The following KCNN2 variants were observed in gnomAD, a reference collection of about 807,000 sequenced individuals.
KCNN2 encodes the protein small conductance calcium-activated potassium channel protein 2.
KCNN2 carries 24 observed loss-of-function variants against 55.5 expected under a neutral mutation model. The observed-to-expected ratio is 0.43, with a 90% CI of 0.31 to 0.61. KCNN2 has a LOEUF of 0.61. Ranked by LOEUF, KCNN2 falls within the 20% of genes least tolerant of loss-of-function variation. The pLI is 0.08. For synonymous variants in KCNN2, 431 were observed against 336.1 expected, an observed-to-expected ratio of 1.28 and a Z score of -3.09; for missense variants, 754 against 853.6, an observed-to-expected ratio of 0.88 and a Z score of 1.45.
chr5:114,313,371 A>G (rs1415124796), intron 2 of KCNN2, among the ~76,000 whole-genome samples: 3 of 152,166 alleles, frequency 2.0e-5, no homozygotes, highest in Non-Finnish European at 4.4e-5. Context: ...TAATAATTCT[A>G]GATGTACAAG....
intron 2 of KCNN2, among the ~76,000 whole-genome samples, chr5:114,335,840 T>C (rs1375998825): frequency 6.6e-6 from 1 of 152,088 alleles, no homozygotes; most frequent in Non-Finnish European, 1.5e-5. Context: ...GAAGCAAGAA[T>C]GAAAAGAGCT....
intron 2 of KCNN2, among the ~76,000 whole-genome samples, chr5:114,384,501 G>A (rs1758218693): frequency 6.6e-6 from 1 of 152,178 alleles, no homozygotes; most frequent in Admixed American, 6.5e-5. Flanking sequence ...CTTAGTCTGT[G>A]CCGTAAGTGT....
At chr5:114,143,452 G>A (rs561725543) in intron 1 of KCNN2, among the ~76,000 whole-genome samples, 1 of 152,272 alleles carries the variant, frequency 6.6e-6, no homozygotes, top group African/African-American at 2.4e-5. Flanking sequence ...ATTCTCAGAA[G>A]GGAGTATGCC....
intron 1 of KCNN2, among the ~76,000 whole-genome samples, chr5:114,090,260 G>A (rs7734731): frequency 0.15 from 23,051 of 152,068 alleles, 1,839 homozygotes; most frequent in Middle Eastern, 0.2. Context: ...AAGCCTTAAG[G>A]ATGAGGAAGA....
At chr5:114,412,929 G>A (rs761377469) in intron 3 of KCNN2, among the ~76,000 whole-genome samples, 2 of 152,192 alleles carry the variant, frequency 1.3e-5, no homozygotes, top group African/African-American at 4.8e-5. Context: ...TTCAGCTGTT[G>A]CCAAGTAAAC....
chr5:114,139,685 A>G (rs1752238073), intron 1 of KCNN2, among the ~76,000 whole-genome samples: 1 of 151,610 alleles, frequency 6.6e-6, no homozygotes, highest in Admixed American at 6.6e-5. Context: ...CTTGTAAGCC[A>G]TGTCTAAATA....
At chr5:114,056,780 C>T (rs1288653991) in intron 1 of KCNN2, among the ~76,000 whole-genome samples, 2 of 152,174 alleles carry the variant, frequency 1.3e-5, no homozygotes, top group South Asian at 4.1e-4. Flanking sequence ...ATCCTTCCCC[C>T]CTTGTCCTCT....
At chr5:114,213,454 C>T (rs1753931893) in intron 1 of KCNN2, among the ~76,000 whole-genome samples, 1 of 151,196 alleles carries the variant, frequency 6.6e-6, no homozygotes, top group Non-Finnish European at 1.5e-5. Context: ...AGTACATCCT[C>T]CAATAAATTG....
chr5:114,481,427 C>T (rs1345823615), intron 5 of KCNN2, among the ~76,000 whole-genome samples: 2 of 151,908 alleles, frequency 1.3e-5, no homozygotes, highest in East Asian at 3.9e-4. Flanking sequence ...TGCCCATGCT[C>T]ATAGATAACA....
intron 1 of KCNN2, among the ~76,000 whole-genome samples, chr5:114,201,563 T>C (rs1753673556): frequency 6.6e-6 from 1 of 152,036 alleles, no homozygotes; most frequent in African/African-American, 2.4e-5. Flanking sequence ...TAGGTATGCT[T>C]AGGAGAATGT....
At position 114,489,267 on chromosome 5, in the gene KCNN2, C is replaced by T. The variant is rs188898820; in HGVS notation, c.2018+2090C>T. Among the ~76,000 whole-genome samples, 318 of 151,984 alleles carry T rather than the reference C, an allele frequency of 2.1e-3. 2 individuals carry two copies. Among genetic ancestry groups the T allele is most frequent in the Admixed American group, 3.2e-3 (49 of 15,246 alleles). ...TACCGTAAAATGCTTTCAACTTTGCCGTTAGGTTATTACGTTTTTACATTA... is the reference window on the plus strand; with the variant it reads ...TACCGTAAAATGCTTTCAACTTTGCTGTTAGGTTATTACGTTTTTACATTA... On this transcript the variant is annotated intron_variant, in intron 6 of 7. Coordinates refer to ENST00000673685, the MANE Select transcript of KCNN2 (RefSeq NM_021614.4).
chr5:114,101,758 A>G (rs1012973617), intron 1 of KCNN2, among the ~76,000 whole-genome samples: 20 of 152,154 alleles, frequency 1.3e-4, no homozygotes, highest in African/African-American at 4.8e-4. Flanking sequence ...TGAAGAAAAC[A>G]TGAACTCATC....
chr5:114,281,663 G>C (rs1457758), intron 2 of KCNN2, among the ~76,000 whole-genome samples: 91,630 of 121,520 alleles, frequency 0.75, 32,077 homozygotes, highest in Middle Eastern at 0.88. Context: ...GTGTGCATTT[G>C]TGTGTATGAT....
intron 2 of KCNN2, among the ~76,000 whole-genome samples, chr5:114,365,334 A>G (rs945990085): frequency 6.6e-6 from 1 of 152,240 alleles, no homozygotes; most frequent in East Asian, 1.9e-4. Context: ...TAAAGTTTTA[A>G]CAGTTTACAT....
At chr5:114,351,890 A>G (rs977104106) in intron 2 of KCNN2, among the ~76,000 whole-genome samples, 1 of 151,738 alleles carries the variant, frequency 6.6e-6, no homozygotes, top group African/African-American at 2.4e-5. Flanking sequence ...ATATACATAA[A>G]TGTAGTTTTC....
At chr5:114,081,333 G>T (rs1750815984) in intron 1 of KCNN2, among the ~76,000 whole-genome samples, 1 of 151,920 alleles carries the variant, frequency 6.6e-6, no homozygotes, top group Admixed American at 6.6e-5. Flanking sequence ...CTAATAGCCA[G>T]AACAAAATTG....
chr5:114,241,449 A>T (rs927851641), intron 2 of KCNN2, among the ~76,000 whole-genome samples: 1 of 151,696 alleles, frequency 6.6e-6, no homozygotes, highest in Non-Finnish European at 1.5e-5. Flanking sequence ...AGGAGAATCT[A>T]AATAAATGGA....
At position 114,493,409 on chromosome 5, in the gene KCNN2, A is replaced by G. The variant is rs1747958194; in HGVS notation, c.2025A>G (p.Arg675=). ...ACCAGATTCTATCTTTTAGATTAAGAAGTGTAAAAATGGAGCAGAGGAAAC... is the reference window on the plus strand; with the variant it reads ...ACCAGATTCTATCTTTTAGATTAAGGAGTGTAAAAATGGAGCAGAGGAAAC... ...RKFLQAIHQL[R]SVKMEQRKLN... is the part of the protein sequence containing the mutation. The change falls in exon 7 of 8, where the codon AGA becomes AGG. Residue 675 remains arginine, a synonymous_variant. Transcript: ENST00000673685. The G allele has an allele frequency of 6.3e-7, 1 of 1,588,258 alleles. No homozygotes were observed. The highest frequency in any genetic ancestry group is 2.2e-5 in the East Asian group (1 of 44,720).
At chr5:114,148,872 C>G (rs914366407) in intron 1 of KCNN2, among the ~76,000 whole-genome samples, 1 of 152,016 alleles carries the variant, frequency 6.6e-6, no homozygotes, top group East Asian at 1.9e-4. Context: ...CAGGGAGCGG[C>G]TCACCATCCG....
Sources: allele counts gnomAD v4.1 joint callset (sites outside exome capture counted in the v4.1 genomes callset), GRCh38; gene constraint gnomAD v4.1.1; transcripts MANE v1.5; gene names NCBI Gene and HGNC (gene_info 2026-07-23, HGNC 2026-07-21).